The following PDE4B variants were observed in gnomAD, a reference collection of about 807,000 sequenced individuals.
PDE4B encodes phosphodiesterase 4B, also known as 3',5'-cyclic-AMP phosphodiesterase 4B.
Under a neutral mutation model 82.2 loss-of-function variants are expected in PDE4B, and 20 were observed. That is an observed-to-expected ratio of 0.24 (90% CI 0.17 to 0.35). PDE4B has a LOEUF of 0.35. PDE4B is among the 10% of genes least tolerant of loss of function. The probability of loss-of-function intolerance (pLI) is 1.00; values close to 1 mark genes in which losing one functional copy is unlikely to be tolerated. For missense variants in PDE4B, 655 were observed against 907.2 expected (o/e 0.72, Z 3.57); for synonymous variants, 320 against 318.9 (o/e 1.00, Z -0.04).
intron 3 of PDE4B, among the ~76,000 whole-genome samples, chr1:66,020,984 CCTGA>C (rs1473599661): frequency 6.6e-6 from 1 of 152,142 alleles, no homozygotes; most frequent in Admixed American, 6.5e-5. Flanking sequence ...CCTGTTGTTT[CCTGA>C]CTTTTTAATG....
chr1:66,121,446 A>G (rs1645708002), intron 3 of PDE4B, among the ~76,000 whole-genome samples: 1 of 152,188 alleles, frequency 6.6e-6, no homozygotes, highest in Non-Finnish European at 1.5e-5. Context: ...ATTTAGAACT[A>G]TCTAACCATG....
At chr1:65,861,162 A>G (rs1646449899) in intron 1 of PDE4B, among the ~76,000 whole-genome samples, 1 of 152,076 alleles carries the variant, frequency 6.6e-6, no homozygotes, top group South Asian at 2.1e-4. Context: ...GTTTTCTTCT[A>G]TGGTTTTTAT....
In PDE4B at chr1:66,373,539, C is replaced by T. The variant is rs2050859531; in HGVS notation, c.*861C>T. The T allele has an allele frequency of 6.5e-6, 1 of 152,696 alleles. No homozygotes were observed. The highest frequency in any genetic ancestry group is 1.5e-5 in the Non-Finnish European group (1 of 68,114). 9.5% of individuals were successfully genotyped at this position (152,696 alleles called of 1,614,324 possible). ...GAGTTGTACAGTCCCTGGCCCTGTT[C>T]CCTACCTCCTCTCTTCACCCCGTTA... On this transcript the variant is annotated 3_prime_UTR_variant, in exon 17 of 17. Transcript: ENST00000341517.
At chr1:66,079,190 C>T (rs1557545514) in intron 3 of PDE4B, among the ~76,000 whole-genome samples, 2 of 150,434 alleles carry the variant, frequency 1.3e-5, no homozygotes, top group African/African-American at 4.9e-5. Context: ...CTCTCTCTCT[C>T]TCTCTCTCTC....
At chr1:66,121,400 C>T (rs1445356098) in intron 3 of PDE4B, among the ~76,000 whole-genome samples, 5 of 152,044 alleles carry the variant, frequency 3.3e-5, no homozygotes, top group African/African-American at 4.8e-5. Context: ...TTTGACTGAA[C>T]TAAGGGAAAT....
At chr1:66,259,643 C>T (rs1557664593) in intron 6 of PDE4B, among the ~76,000 whole-genome samples, 1 of 152,258 alleles carries the variant, frequency 6.6e-6, no homozygotes, top group South Asian at 2.1e-4. Context: ...TTATGGATCT[C>T]TGCCCACCAC....
chr1:66,155,824 C>T (rs1193659342), intron 3 of PDE4B, among the ~76,000 whole-genome samples: 1 of 152,110 alleles, frequency 6.6e-6, no homozygotes, highest in Non-Finnish European at 1.5e-5. Context: ...ATGAATCAAA[C>T]CATGATATTC....
chr1:66,081,832 C>CTCTGTG (rs1280680569), intron 3 of PDE4B, among the ~76,000 whole-genome samples: 3,309 of 125,086 alleles, frequency 0.026, 52 homozygotes, highest in Non-Finnish European at 0.033. Flanking sequence ...CTCTCTCTCT[C>CTCTGTG]TGTGTGTGTG....
chr1:65,964,123 T>A (rs1027432380), intron 3 of PDE4B, among the ~76,000 whole-genome samples: 1 of 152,092 alleles, frequency 6.6e-6, no homozygotes, highest in Non-Finnish European at 1.5e-5. Flanking sequence ...AGAAAAAAAT[T>A]TATTCCAGGT....
At chr1:66,283,430 G>C (rs1041632532) in intron 7 of PDE4B, among the ~76,000 whole-genome samples, 1 of 151,936 alleles carries the variant, frequency 6.6e-6, no homozygotes, top group African/African-American at 2.4e-5. Context: ...GTCTTAGAAG[G>C]TTGCAACTGG....
chr1:65,997,711 T>C (rs1651629531), intron 3 of PDE4B, among the ~76,000 whole-genome samples: 1 of 152,220 alleles, frequency 6.6e-6, no homozygotes, highest in South Asian at 2.1e-4. Flanking sequence ...AAGAGCCTAC[T>C]ATGCACCAGG....
intron 1 of PDE4B, among the ~76,000 whole-genome samples, chr1:65,816,234 A>T (rs1476550299): frequency 2.6e-5 from 1 of 39,018 alleles, no homozygotes; most frequent in African/African-American, 6.6e-5. Context: ...TGTATGAGAG[A>T]GAGAGAGATA....
At chr1:66,048,492 A>G (rs776718800) in intron 3 of PDE4B, among the ~76,000 whole-genome samples, 1 of 152,006 alleles carries the variant, frequency 6.6e-6, no homozygotes, top group Non-Finnish European at 1.5e-5. Flanking sequence ...AATATGCTTT[A>G]AAATAATTAT....
intron 3 of PDE4B, among the ~76,000 whole-genome samples, chr1:66,018,305 A>G (rs2100758937): frequency 6.6e-6 from 1 of 152,274 alleles, no homozygotes; most frequent in Middle Eastern, 3.4e-3. Context: ...CTGTAGTCCC[A>G]GCTAGTCGGG....
intron 1 of PDE4B, among the ~76,000 whole-genome samples, chr1:65,816,767 T>TA (rs1371365090): frequency 6.6e-6 from 1 of 152,210 alleles, no homozygotes; most frequent in African/African-American, 2.4e-5. Flanking sequence ...ATAAATTAGA[T>TA]AAAAACAAGA....
chr1:66,006,757 C>A (rs1320297869), intron 3 of PDE4B, among the ~76,000 whole-genome samples: 1 of 152,108 alleles, frequency 6.6e-6, no homozygotes, highest in Admixed American at 6.6e-5. Context: ...TTTCCCTGCT[C>A]TGCTCTGCAC....
At chr1:66,152,084 G>T (rs948708764) in intron 3 of PDE4B, among the ~76,000 whole-genome samples, 2 of 152,186 alleles carry the variant, frequency 1.3e-5, no homozygotes, top group Non-Finnish European at 2.9e-5. Context: ...AATCTGTTTA[G>T]ATGACATCTT....
At chr1:65,831,146 A>G (rs1327542844) in intron 1 of PDE4B, among the ~76,000 whole-genome samples, 1 of 152,020 alleles carries the variant, frequency 6.6e-6, no homozygotes, top group Non-Finnish European at 1.5e-5. Flanking sequence ...AGAAAGAAGA[A>G]CAAGTTAAAA....
intron 3 of PDE4B, among the ~76,000 whole-genome samples, chr1:66,035,828 A>G (rs1207952215): frequency 6.6e-6 from 1 of 152,164 alleles, no homozygotes; most frequent in Non-Finnish European, 1.5e-5. Flanking sequence ...TCTCTTTGGC[A>G]TACTAATTTT....
Sources: gnomAD v4.1 joint callset for allele counts (sites outside exome capture counted in the v4.1 genomes callset) on GRCh38, gnomAD v4.1.1 for gene constraint, MANE v1.5 for transcripts, NCBI Gene and HGNC (gene_info 2026-07-23, HGNC 2026-07-21) for gene names.